GRIK2: variants seen among roughly 807,000 people sequenced by gnomAD.
GRIK2 encodes the protein glutamate receptor ionotropic, kainate 2.
In GRIK2, 32 loss-of-function variants were observed where a neutral mutation model predicts 100.3. That is an observed-to-expected ratio of 0.32 (90% confidence interval 0.24 to 0.43). The LOEUF is 0.43. Ranked by LOEUF, GRIK2 falls within the 20% of genes least tolerant of loss-of-function variation. The probability of loss-of-function intolerance (pLI) is 1.00; values close to 1 mark genes in which losing one functional copy is unlikely to be tolerated. For synonymous variants in GRIK2, 417 were observed against 389.4 expected (o/e 1.07, Z -0.83); for missense variants, 843 against 1,114.9 (o/e 0.76, Z 3.47).
intron 2 of GRIK2, among the ~76,000 whole-genome samples, chr6:101,424,489 G>T (rs1030708265): frequency 5.9e-5 from 9 of 151,542 alleles, no homozygotes; most frequent in Admixed American, 2.6e-4. Context: ...TCCCTACAAA[G>T]GACATGAACC....
intron 7 of GRIK2, among the ~76,000 whole-genome samples, chr6:101,799,439 A>C (rs1193788640): frequency 6.6e-6 from 1 of 152,124 alleles, no homozygotes; most frequent in South Asian, 2.1e-4. Flanking sequence ...AGGGTAGGTC[A>C]AATTTTCTTA....
intron 2 of GRIK2, among the ~76,000 whole-genome samples, chr6:101,487,659 A>G (rs1192813761): frequency 6.8e-6 from 1 of 146,622 alleles, no homozygotes; most frequent in African/African-American, 2.6e-5. Context: ...AACACACATA[A>G]TGTGACTTAC....
chr6:101,766,214 T>C (rs1309912894), intron 7 of GRIK2, among the ~76,000 whole-genome samples: 1 of 151,996 alleles, frequency 6.6e-6, no homozygotes, highest in Non-Finnish European at 1.5e-5. Context: ...ATTCGGTATG[T>C]TTGGGCTTTT....
At chr6:101,988,156 TGC>T (rs1562091419) in intron 14 of GRIK2, among the ~76,000 whole-genome samples, 10 of 6,094 alleles carry the variant, frequency 1.6e-3, no homozygotes, top group East Asian at 7.1e-3. Context: ...CGCGCGCGCG[TGC>T]GCGCACATGC....
intron 15 of GRIK2, among the ~76,000 whole-genome samples, chr6:102,053,355 A>G (rs1771301728): frequency 6.6e-6 from 1 of 152,202 alleles, no homozygotes; most frequent in Admixed American, 6.5e-5. Context: ...TGCTAGATAT[A>G]GCAAATTAAT....
chr6:101,695,286 A>G (rs1319262889), intron 7 of GRIK2, among the ~76,000 whole-genome samples: 1 of 152,160 alleles, frequency 6.6e-6, no homozygotes, highest in Admixed American at 6.6e-5. Flanking sequence ...CCAAAGGGCA[A>G]GAGAGTGGTC....
intron 14 of GRIK2, among the ~76,000 whole-genome samples, chr6:101,946,248 A>G (rs1240216828): frequency 1.3e-5 from 2 of 152,138 alleles, no homozygotes; most frequent in East Asian, 3.9e-4. Context: ...CTTCTGATAT[A>G]TATAATATGT....
chr6:101,865,277 AGCTT>A (rs748465219), intron 11 of GRIK2, among the ~76,000 whole-genome samples: 8 of 152,212 alleles, frequency 5.3e-5, no homozygotes, highest in Non-Finnish European at 7.4e-5. Flanking sequence ...AATGCTTCCC[AGCTT>A]GCTGCCTTGG....
At chr6:101,791,590 T>TG (rs1006483249) in intron 7 of GRIK2, among the ~76,000 whole-genome samples, 2 of 114,862 alleles carry the variant, frequency 1.7e-5, no homozygotes, top group African/African-American at 6.0e-5. Flanking sequence ...TTATAATTTC[T>TG]TTTTTTTTAC....
chr6:101,464,497 C>CTTTTTTTTT (rs71028069), intron 2 of GRIK2, among the ~76,000 whole-genome samples: 7 of 62,036 alleles, frequency 1.1e-4, no homozygotes, highest in Non-Finnish European at 1.2e-4. Flanking sequence ...CTTTTTCTTT[C>CTTTTTTTTT]TTTTTTTTTT....
At chr6:101,796,221 G>T (rs2128411561) in intron 7 of GRIK2, among the ~76,000 whole-genome samples, 1 of 152,238 alleles carries the variant, frequency 6.6e-6, no homozygotes, top group South Asian at 2.1e-4. Context: ...CATACTTGAT[G>T]GGATTGCACC....
intron 7 of GRIK2, among the ~76,000 whole-genome samples, chr6:101,711,511 A>G (rs1773694070): frequency 6.6e-6 from 1 of 151,824 alleles, no homozygotes; most frequent in Non-Finnish European, 1.5e-5. Flanking sequence ...CTATAATGCA[A>G]TACTTCGTAT....
At chr6:101,584,625 G>T (rs1042854179) in intron 2 of GRIK2, among the ~76,000 whole-genome samples, 1 of 152,060 alleles carries the variant, frequency 6.6e-6, no homozygotes, top group African/African-American at 2.4e-5. Flanking sequence ...CATCAAAGTT[G>T]TTACTAGCTC....
In GRIK2 at chr6:101,733,658, C is replaced by T. The variant is rs189996025; in HGVS notation, c.951+47305C>T. Among the ~76,000 whole-genome samples, 259 of 147,742 alleles carry T rather than the reference C, an allele frequency of 1.8e-3. 2 individuals carry two copies. Among genetic ancestry groups the T allele is most frequent in the African/African-American group, 5.8e-3 (236 of 40,458 alleles). On this transcript the variant is annotated intron_variant, in intron 7 of 16. Coordinates refer to ENST00000369134, the MANE Select transcript of GRIK2 (RefSeq NM_021956.5). ...ATAGGCTGAGAATTTTCCAAATCTT[C>T]AAGGTCTGGTTCTTTTTTGCTTGAC...
At position 101,814,641 on chromosome 6, in the gene GRIK2, T is replaced by C. The variant is rs146575259; in HGVS notation, c.1204-3729T>C. Among the ~76,000 whole-genome samples, 1,027 of 152,246 alleles carry C rather than the reference T, an allele frequency of 6.7e-3. 7 individuals carry two copies. The highest frequency in any genetic ancestry group is 9.8e-3 in the Non-Finnish European group (664 of 67,986). ...TTTTGGAAAGTTATTTGGCAACATA[T>C]AGTAATAATCTTAACAACTCAGATT... On this transcript the variant is annotated intron_variant, in intron 9 of 16. Coordinates refer to ENST00000369134, the MANE Select transcript of GRIK2 (RefSeq NM_021956.5).
intron 12 of GRIK2, among the ~76,000 whole-genome samples, chr6:101,896,898 A>G (rs1787482190): frequency 6.6e-6 from 1 of 151,670 alleles, no homozygotes; most frequent in South Asian, 2.1e-4. Context: ...TCAGAGTGCT[A>G]AAACTTGAAG....
At chr6:101,665,714 C>T in intron 4 of GRIK2, among the ~76,000 whole-genome samples, 1 of 152,028 alleles carries the variant, frequency 6.6e-6, no homozygotes, top group African/African-American at 2.4e-5. Flanking sequence ...TAGTTTAGTC[C>T]AGTATGTTAG....
At position 101,643,811 on chromosome 6, in the gene GRIK2, G is replaced by A. The variant is rs1279064203; in HGVS notation, c.541+17174G>A. On this transcript the variant is annotated intron_variant, in intron 4 of 16. Coordinates refer to ENST00000369134, the MANE Select transcript of GRIK2 (RefSeq NM_021956.5). ...GTACATTAAATCTATAGATCACTTT[G>A]AGTAATGTACTCATATTTTTAAAAC... Among the ~76,000 whole-genome samples, 8 of 151,658 alleles carry A rather than the reference G, an allele frequency of 5.3e-5. No homozygotes were observed. In the South Asian group the frequency reaches 1.2e-3, roughly 24 times the overall value.
chr6:101,541,696 A>G (rs1776005352), intron 2 of GRIK2, among the ~76,000 whole-genome samples: 1 of 152,070 alleles, frequency 6.6e-6, no homozygotes. Flanking sequence ...ACAGTTTAGA[A>G]GCTTATGGAA....
Sources: gnomAD v4.1 joint callset for allele counts (sites outside exome capture counted in the v4.1 genomes callset) on GRCh38, gnomAD v4.1.1 for gene constraint, MANE v1.5 for transcripts, NCBI Gene and HGNC (gene_info 2026-07-23, HGNC 2026-07-21) for gene names.